Variants in SOX5 observed in about 807,000 individuals in gnomAD.
SOX5 encodes transcription factor SOX-5.
A neutral mutation model predicts 92.0 loss-of-function variants in SOX5; 9 were observed. The ratio of observed to expected loss-of-function variants is 0.10; its 90% confidence interval spans 0.06 to 0.17. SOX5 has a LOEUF of 0.17. SOX5 is among the 10% of genes least tolerant of loss of function. SOX5 has a pLI of 1.00. For missense variants in SOX5, 642 were observed against 944.5 expected (o/e 0.68, Z 4.20); for synonymous variants, 344 against 336.3 (o/e 1.02, Z -0.25).
At chr12:23,881,036 A>C (rs2096983079) in intron 2 of SOX5, among the ~76,000 whole-genome samples, 1 of 152,082 alleles carries the variant, frequency 6.6e-6, no homozygotes, top group Non-Finnish European at 1.5e-5. Context: ...CTAACCCCAA[A>C]ATGCTTTAAG....
At chr12:24,416,254 A>G (rs546255365) in intron 1 of SOX5, among the ~76,000 whole-genome samples, 23 of 152,334 alleles carry the variant, frequency 1.5e-4, no homozygotes, top group African/African-American at 5.5e-4. Flanking sequence ...CAGCTCGGTC[A>G]GTCCTGGTTT....
chr12:24,168,628 A>C, intron 4 of SOX5, among the ~76,000 whole-genome samples: 1 of 152,222 alleles, frequency 6.6e-6, no homozygotes, highest in East Asian at 1.9e-4. Flanking sequence ...ATGAGCAAGA[A>C]AAATTAGCTT....
intron 10 of SOX5, among the ~76,000 whole-genome samples, chr12:23,564,227 A>T (rs1033694344): frequency 3.3e-5 from 5 of 152,162 alleles, no homozygotes; most frequent in Non-Finnish European, 7.3e-5. Flanking sequence ...ATTTTTACTT[A>T]ATTTTATTTT....
At chr12:24,240,098 T>A (rs1965286322) in intron 3 of SOX5, among the ~76,000 whole-genome samples, 1 of 152,192 alleles carries the variant, frequency 6.6e-6, no homozygotes, top group Non-Finnish European at 1.5e-5. Context: ...GTATTCCTTT[T>A]AAAAAATAAA....
At chr12:24,476,287 T>C (rs562815603) in intron 1 of SOX5, among the ~76,000 whole-genome samples, 1 of 152,336 alleles carries the variant, frequency 6.6e-6, no homozygotes, top group South Asian at 2.1e-4. Flanking sequence ...CTTTTTTCCT[T>C]CTTTTGAATC....
At chr12:24,388,632 A>T (rs752977781) in intron 1 of SOX5, among the ~76,000 whole-genome samples, 1 of 152,080 alleles carries the variant, frequency 6.6e-6, no homozygotes, top group Non-Finnish European at 1.5e-5. Context: ...ATATAATACA[A>T]TTCACCCATT....
intron 4 of SOX5, among the ~76,000 whole-genome samples, chr12:24,015,012 G>T (rs1183507939): frequency 6.6e-6 from 1 of 152,066 alleles, no homozygotes; most frequent in Non-Finnish European, 1.5e-5. Context: ...GAGGAATCAA[G>T]CACATAAGCC....
rs67100585 is a variant in SOX5, at chr12:24,110,900, CAAAAAAAAAAAA to C, written c.-2+102431_-2+102442del. On this transcript the variant is annotated intron_variant, in intron 4 of 4. Transcript: ENST00000446891. ...TGGGCGACAGCGCGAGACTCCACTTCAAAAAAAAAAAAAAAAAAAAAAAAAAAAGAAGGTATG... is the reference window on the plus strand; with the variant it reads ...TGGGCGACAGCGCGAGACTCCACTTCAAAAAAAAAAAAAAAAGAAGGTATG... Among the ~76,000 whole-genome samples, 208 of 27,580 alleles carry C rather than the reference CAAAAAAAAAAAA, an allele frequency of 7.5e-3. 4 individuals are homozygous for C. In the East Asian group the frequency reaches 0.17, roughly 23 times the overall value. 18.1% of individuals were successfully genotyped at this position (27,580 alleles called of 152,430 possible). A position where few individuals can be genotyped will look rare whatever the true frequency, so the allele number is the denominator to read the frequency against.
At chr12:23,832,244 A>T (rs538479920) in intron 3 of SOX5, among the ~76,000 whole-genome samples, 14 of 151,934 alleles carry the variant, frequency 9.2e-5, no homozygotes, top group South Asian at 2.1e-4. Context: ...TAAAAAAAAA[A>T]TTTTGGAAAG....
At chr12:23,646,653 T>C (rs906431214) in intron 7 of SOX5, among the ~76,000 whole-genome samples, 1 of 152,202 alleles carries the variant, frequency 6.6e-6, no homozygotes, top group Non-Finnish European at 1.5e-5. Context: ...ATGTTCTCAA[T>C]CCTTTGTTGT....
chr12:23,791,049 A>T (rs1392330199), intron 3 of SOX5, among the ~76,000 whole-genome samples: 1 of 152,152 alleles, frequency 6.6e-6, no homozygotes, highest in Non-Finnish European at 1.5e-5. Context: ...TGAGGATCAA[A>T]ATTTCAGAGG....
chr12:24,099,323 A>G (rs76093205), intron 4 of SOX5, among the ~76,000 whole-genome samples: 3 of 152,268 alleles, frequency 2.0e-5, no homozygotes, highest in Non-Finnish European at 4.4e-5. Flanking sequence ...GCATGCAGGA[A>G]GATTATTATT....
intron 4 of SOX5, among the ~76,000 whole-genome samples, chr12:24,115,916 G>C (rs1947939301): frequency 6.6e-6 from 1 of 152,034 alleles, no homozygotes; most frequent in African/African-American, 2.4e-5. Flanking sequence ...GAAAATAGGA[G>C]GGTGGAAGCA....
chr12:24,316,443 A>G (rs1333689816), intron 2 of SOX5, among the ~76,000 whole-genome samples: 1 of 152,220 alleles, frequency 6.6e-6, no homozygotes, highest in African/African-American at 2.4e-5. Flanking sequence ...CTGCCATGAC[A>G]GCACTTTTTC....
chr12:23,691,275 T>C (rs1218603107), intron 6 of SOX5, among the ~76,000 whole-genome samples: 5 of 147,902 alleles, frequency 3.4e-5, no homozygotes, highest in Non-Finnish European at 7.6e-5. Context: ...CGTCACACTA[T>C]TATTTTCTGT....
At chr12:24,355,968 A>C (rs183257163) in intron 2 of SOX5, among the ~76,000 whole-genome samples, 2 of 152,354 alleles carry the variant, frequency 1.3e-5, no homozygotes, top group Non-Finnish European at 2.9e-5. Context: ...AAATAGAAAG[A>C]TGCAATTGGT....
At chr12:24,271,173 C>T (rs575154261) in intron 3 of SOX5, among the ~76,000 whole-genome samples, 4 of 152,288 alleles carry the variant, frequency 2.6e-5, no homozygotes, top group East Asian at 3.9e-4. Context: ...ACCTTGTCAA[C>T]GCTTTGAACT....
intron 2 of SOX5, chr12:24,368,147 T>C (rs1956355381): frequency 6.6e-6 from 1 of 152,190 alleles, no homozygotes; most frequent in African/African-American, 2.4e-5. Context: ...AAGATAGCAA[T>C]TATCAATAAA....
intron 3 of SOX5, among the ~76,000 whole-genome samples, chr12:23,763,229 C>T (rs185940332): frequency 8.9e-4 from 135 of 152,292 alleles, no homozygotes; most frequent in African/African-American, 3.2e-3. Flanking sequence ...ACTTCATATG[C>T]TTGTTGTGAG....
Sources: allele counts gnomAD v4.1 joint callset (sites outside exome capture counted in the v4.1 genomes callset), GRCh38; gene constraint gnomAD v4.1.1; transcripts MANE v1.5; gene names NCBI Gene and HGNC (gene_info 2026-07-23, HGNC 2026-07-21).